Variants in SH3KBP1 observed in about 807,000 individuals in gnomAD.
SH3KBP1 encodes SH3 domain containing kinase binding protein 1.
SH3KBP1 carries 8 observed loss-of-function variants against 50.1 expected under a neutral mutation model. That is an observed-to-expected ratio of 0.16 (90% CI 0.09 to 0.29). SH3KBP1 has a LOEUF of 0.29. Ranked by LOEUF, SH3KBP1 falls within the 10% of genes least tolerant of loss-of-function variation. The probability of loss-of-function intolerance (pLI) is 1.00; values close to 1 mark genes in which losing one functional copy is unlikely to be tolerated. For missense variants in SH3KBP1, 377 were observed against 535.2 expected, an observed-to-expected ratio of 0.70 and a Z score of 2.92; for synonymous variants, 227 against 218.6, an observed-to-expected ratio of 1.04 and a Z score of -0.34.
chrX:19,794,230 C>CA (rs1218495525), intron 2 of SH3KBP1, among the ~76,000 whole-genome samples: 1,112 of 27,252 alleles, frequency 0.041, 37 homozygotes, highest in African/African-American at 0.075. Flanking sequence ...CCTGTCTCTA[C>CA]AAAAAAAAAA....
intron 4 of SH3KBP1, among the ~76,000 whole-genome samples, chrX:19,697,751 A>G (rs978709793): frequency 8.9e-6 from 1 of 112,153 alleles, no homozygotes; most frequent in African/African-American, 3.2e-5. Context: ...GGCTTTTAGA[A>G]GAAGAAATGG....
chrX:19,748,928 C>A (rs1182026189), intron 2 of SH3KBP1, among the ~76,000 whole-genome samples: 1 of 111,309 alleles, frequency 9.0e-6, no homozygotes, highest in Non-Finnish European at 1.9e-5. Flanking sequence ...TCTTTTTTGT[C>A]CTCCTGTAGT....
rs371596827 is a variant in SH3KBP1, at chrX:19,637,394, G to A, written c.803-5436C>T. ...AAGGTAAATAAGACACTATCTGCTC[G>A]AGGAGCTCAAGTAGCAGAAAAGGGT... On this transcript the variant is annotated intron_variant, in intron 7 of 17. Transcript: ENST00000397821. Among the ~76,000 whole-genome samples, 37 of 112,271 alleles carry A rather than the reference G, an allele frequency of 3.3e-4. No individual in the cohort carries two copies. The East Asian group carries it at 9.0e-3, about 27-fold the overall frequency.
At chrX:19,663,538 C>T (rs1015254345) in intron 6 of SH3KBP1, among the ~76,000 whole-genome samples, 1 of 111,131 alleles carries the variant, frequency 9.0e-6, no homozygotes, top group African/African-American at 3.3e-5. Flanking sequence ...TAGAGATTCA[C>T]GGAACATGGT....
intron 13 of SH3KBP1, among the ~76,000 whole-genome samples, chrX:19,555,224 C>T (rs997649504): frequency 2.6e-4 from 29 of 112,370 alleles, no homozygotes; most frequent in African/African-American, 9.1e-4. Flanking sequence ...AGGCCCTTTG[C>T]TTTTGTGATA....
At chrX:19,775,491 C>T (rs1192430768) in intron 2 of SH3KBP1, among the ~76,000 whole-genome samples, 1 of 112,150 alleles carries the variant, frequency 8.9e-6, no homozygotes, top group Non-Finnish European at 1.9e-5. Flanking sequence ...AATATTAGCA[C>T]TGTATCTTAC....
chrX:19,588,250 C>A, intron 12 of SH3KBP1: 1 of 831,309 alleles, frequency 1.2e-6, no homozygotes, highest in Non-Finnish European at 1.6e-6. Context: ...GTCGTAGCCA[C>A]ACATGAGATA....
At chrX:19,637,055 T>G (rs1187843532) in intron 7 of SH3KBP1, among the ~76,000 whole-genome samples, 3 of 112,592 alleles carry the variant, frequency 2.7e-5, no homozygotes, top group Non-Finnish European at 5.6e-5. Flanking sequence ...CACTACTGGT[T>G]GGTAATCCCT....
At position 19,535,539 on chromosome X, in the gene SH3KBP1, T is replaced by C. The variant is rs1349070454; in HGVS notation, c.*878A>G. Reference sequence around the variant, plus strand: ...AATCAAGCAGGATGACATTTCTAGTTTCATGAACAACCTAAAACTAGGAGA... The same window carrying C: ...AATCAAGCAGGATGACATTTCTAGTCTCATGAACAACCTAAAACTAGGAGA... On this transcript the variant is annotated 3_prime_UTR_variant, in exon 18 of 18. Coordinates refer to ENST00000397821, the MANE Select transcript of SH3KBP1 (RefSeq NM_031892.3). 1.8e-5 allele frequency: 2 copies of C among 111,914 alleles called. No homozygotes were observed. Among genetic ancestry groups the C allele is most frequent in the Non-Finnish European group, 3.8e-5 (2 of 53,253 alleles). 9.2% of individuals were successfully genotyped at this position (111,914 alleles called of 1,213,427 possible). A position where few individuals can be genotyped will look rare whatever the true frequency, so the allele number is the denominator to read the frequency against.
At chrX:19,643,838 G>A (rs773558987) in intron 7 of SH3KBP1, among the ~76,000 whole-genome samples, 1 of 111,614 alleles carries the variant, frequency 9.0e-6, no homozygotes, top group Non-Finnish European at 1.9e-5. Context: ...TTTATCTCTA[G>A]TATAACCCTC....
chrX:19,591,229 C>G (rs971210589), intron 11 of SH3KBP1, among the ~76,000 whole-genome samples: 1 of 111,215 alleles, frequency 9.0e-6, no homozygotes, highest in East Asian at 2.8e-4. Flanking sequence ...TTCATTAATT[C>G]AGCATTTCTC....
intron 13 of SH3KBP1, among the ~76,000 whole-genome samples, chrX:19,560,860 G>C (rs1270173709): frequency 2.7e-5 from 3 of 110,355 alleles, no homozygotes; most frequent in Non-Finnish European, 3.8e-5. Context: ...AGGATTGCTT[G>C]AGCCTAGCAG....
At chrX:19,663,856 C>G (rs2062527452) in intron 6 of SH3KBP1, among the ~76,000 whole-genome samples, 1 of 112,126 alleles carries the variant, frequency 8.9e-6, no homozygotes, top group South Asian at 3.7e-4. Flanking sequence ...GAAGCCAAGG[C>G]AAGAGGACCA....
chrX:19,672,479 A>T (rs2062822497), intron 6 of SH3KBP1, among the ~76,000 whole-genome samples: 2 of 112,165 alleles, frequency 1.8e-5, no homozygotes, highest in South Asian at 7.5e-4. Context: ...ATAAGTATGG[A>T]ATTAATATGA....
intron 3 of SH3KBP1, among the ~76,000 whole-genome samples, chrX:19,732,970 A>G (rs2064425422): frequency 1.8e-5 from 2 of 111,831 alleles, no homozygotes; most frequent in African/African-American, 6.5e-5. Flanking sequence ...GTAACACTTG[A>G]CTCAACAGAG....
At chrX:19,833,012 T>A (rs1357126946) in intron 2 of SH3KBP1, among the ~76,000 whole-genome samples, 1 of 112,212 alleles carries the variant, frequency 8.9e-6, no homozygotes, top group Non-Finnish European at 1.9e-5. Flanking sequence ...ATCTGTAGAT[T>A]TGTGGTTTAA....
chrX:19,788,464 A>G (rs2066431807), intron 2 of SH3KBP1, among the ~76,000 whole-genome samples: 1 of 110,061 alleles, frequency 9.1e-6, no homozygotes. Context: ...AGAAGGAACC[A>G]ACCCTGCCCA....
intron 3 of SH3KBP1, among the ~76,000 whole-genome samples, chrX:19,712,613 C>T (rs976779809): frequency 5.4e-5 from 6 of 110,936 alleles, no homozygotes; most frequent in East Asian, 2.8e-4. Flanking sequence ...AACCACTGGG[C>T]GAAAGCTTGT....
intron 3 of SH3KBP1, 101 bp downstream of exon 3, chrX:19,746,217 T>C: frequency 2.0e-6 from 2 of 1,007,973 alleles, no homozygotes; most frequent in Admixed American, 5.4e-5. Flanking sequence ...AAGGACAAAC[T>C]CTATTCAATT....
Sources: gnomAD v4.1 joint callset for allele counts (sites outside exome capture counted in the v4.1 genomes callset) on GRCh38, gnomAD v4.1.1 for gene constraint, MANE v1.5 for transcripts, NCBI Gene and HGNC (gene_info 2026-07-23, HGNC 2026-07-21) for gene names.